Variants in PIGZ observed in about 807,000 individuals in gnomAD.
The protein encoded by PIGZ is phosphatidylinositol glycan anchor biosynthesis class Z (Gwada blood group).
A neutral mutation model predicts 16.4 loss-of-function variants in PIGZ; 16 were observed. The ratio of observed to expected loss-of-function variants is 0.97; its 90% CI spans 0.66 to 1.48. The LOEUF is 1.48. PIGZ is among the 40% of genes most tolerant of loss of function. The pLI, the probability that PIGZ is intolerant of heterozygous loss-of-function variation, is 0.00. For missense variants in PIGZ, 770 were observed against 739.2 expected (o/e 1.04, Z -0.48); for synonymous variants, 409 against 338.4 (o/e 1.21, Z -2.29).
intron 1 of PIGZ, among the ~76,000 whole-genome samples, chr3:196,963,501 T>C (rs975872716): frequency 2.0e-5 from 3 of 152,272 alleles, no homozygotes; most frequent in African/African-American, 7.2e-5. Flanking sequence ...TATCTCATTG[T>C]GGTTTTGATT....
At chr3:196,964,634 C>T (rs1270709762) in intron 1 of PIGZ, among the ~76,000 whole-genome samples, 5 of 152,214 alleles carry the variant, frequency 3.3e-5, no homozygotes, top group African/African-American at 7.2e-5. Context: ...GGATTACAGG[C>T]GTGTGCCACC....
chr3:196,955,634 T>G (rs1215659575), intron 1 of PIGZ, among the ~76,000 whole-genome samples: 12 of 149,016 alleles, frequency 8.1e-5, no homozygotes, highest in Non-Finnish European at 1.5e-4. Context: ...TGGAGTGCAG[T>G]GGCATGATCT....
rs536168745 is a variant in PIGZ at position 196,968,116 on chromosome 3, C to G, written c.-1+571G>C. On this transcript the variant is annotated intron_variant, in intron 1 of 2. Transcript: ENST00000412723. ...GCTGGGTGCTCCCTGGCAGGGTCACCTTTGCTTTTTGCGCGCCCCCATGCC... is the reference window on the plus strand; with the variant it reads ...GCTGGGTGCTCCCTGGCAGGGTCACGTTTGCTTTTTGCGCGCCCCCATGCC... Among the ~76,000 whole-genome samples the G allele has an allele frequency of 2.6e-5, 4 of 152,336 alleles. No homozygotes were observed. In the South Asian group the frequency reaches 8.3e-4, roughly 32 times the overall value.
chr3:196,951,811 G>A lies in PIGZ; in HGVS notation c.211+10C>T, dbSNP rs777125386. The A allele has an allele frequency of 2.5e-5, 40 of 1,613,596 alleles. No homozygotes were observed. Among genetic ancestry groups the A allele is most frequent in the East Asian group, 6.7e-5 (3 of 44,876 alleles). ...TGCAGCTTGTCTCAGCCACACATGC[G>A]GAGTTTTACCTGCCATCACCTCAGG... On this transcript the variant is annotated intron_variant, in intron 2 of 2. Transcript: ENST00000412723.
At chr3:196,964,468 C>T (rs1349944795) in intron 1 of PIGZ, among the ~76,000 whole-genome samples, 2 of 152,150 alleles carry the variant, frequency 1.3e-5, no homozygotes, top group African/African-American at 4.8e-5. Flanking sequence ...AGCGATTCTT[C>T]TGCCTCAGCC....
chr3:196,952,112 G>A, intron 1 of PIGZ, 81 bp from the exon 2 acceptor site: 1 of 1,282,848 alleles, frequency 7.8e-7, no homozygotes, highest in Non-Finnish European at 1.1e-6. Context: ...AAATGGATCT[G>A]TCATTTAATA....
In PIGZ at chr3:196,947,735, C is replaced by T. The variant is rs1168137851; in HGVS notation, c.1162G>A (p.Glu388Lys). ...LALLSAFSHQ[E>K]ARFLIPLLVP... ...AGGAGGGGAATCAGGAACCGAGCCT[C>T]CTGGTGGCTAAAGGCAGATAGCAGG... Residue 388 changes from glutamate to lysine, a missense_variant, in exon 3 of 3, where the codon GAG (glutamate) becomes AAG (lysine). Coordinates refer to ENST00000412723, the MANE Select transcript of PIGZ (RefSeq NM_025163.4). The T allele has an allele frequency of 1.2e-6, 2 of 1,613,006 alleles. No individual in the cohort carries two copies. The highest frequency in any genetic ancestry group is 1.1e-5 in the South Asian group (1 of 90,838).
At chr3:196,951,013 T>TTAC (rs1717259575) in intron 2 of PIGZ, among the ~76,000 whole-genome samples, 1 of 152,248 alleles carries the variant, frequency 6.6e-6, no homozygotes, top group Non-Finnish European at 1.5e-5. Context: ...CCCAGAGTGC[T>TTAC]GGGATTACAG....
At chr3:196,967,021 GCC>G (rs1240103138) in intron 1 of PIGZ, among the ~76,000 whole-genome samples, 12 of 151,966 alleles carry the variant, frequency 7.9e-5, no homozygotes, top group Non-Finnish European at 1.8e-4. Context: ...CATCCCGCGC[GCC>G]TGTGTGGGAG....
At chr3:196,966,895 C>T (rs1717950433) in intron 1 of PIGZ, among the ~76,000 whole-genome samples, 1 of 152,050 alleles carries the variant, frequency 6.6e-6, no homozygotes, top group African/African-American at 2.4e-5. Flanking sequence ...TCCTGGGGGT[C>T]GGTCGTCGGG....
intron 1 of PIGZ, among the ~76,000 whole-genome samples, chr3:196,953,984 C>T (rs1386497694): frequency 7.6e-6 from 1 of 131,128 alleles, no homozygotes; most frequent in Non-Finnish European, 1.6e-5. Context: ...CAGAGCAAGA[C>T]CCTGTCAAAA....
chr3:196,961,558 C>T (rs916101593), intron 1 of PIGZ, among the ~76,000 whole-genome samples: 1 of 152,028 alleles, frequency 6.6e-6, no homozygotes, highest in African/African-American at 2.4e-5. Context: ...AGCCTGGCAA[C>T]ACAGCGAGAC....
chr3:196,950,496 C>T (rs749996930), intron 2 of PIGZ, among the ~76,000 whole-genome samples: 2 of 152,126 alleles, frequency 1.3e-5, no homozygotes, highest in Non-Finnish European at 2.9e-5. Flanking sequence ...ATACAGCCTG[C>T]GGATCATTCG....
At chr3:196,955,956 T>G (rs1039312300) in intron 1 of PIGZ, among the ~76,000 whole-genome samples, 2 of 152,110 alleles carry the variant, frequency 1.3e-5, no homozygotes, top group Non-Finnish European at 2.9e-5. Context: ...CAATTTTTTT[T>G]GTCCTTTCTT....
intron 1 of PIGZ, among the ~76,000 whole-genome samples, chr3:196,956,696 A>G (rs887360770): frequency 6.6e-6 from 1 of 152,162 alleles, no homozygotes; most frequent in African/African-American, 2.4e-5. Flanking sequence ...GTTCTGTTCT[A>G]TCTTCCATGT....
chr3:196,947,301 C>T lies in PIGZ; in HGVS notation c.1596G>A (p.Glu532=), dbSNP rs1716925952. The T allele has an allele frequency of 6.2e-7, 1 of 1,614,064 alleles. No individual in the cohort carries two copies. The highest frequency in any genetic ancestry group is 1.1e-5 in the South Asian group (1 of 91,074). The part of the protein sequence containing the change: ...VTPGTTRRAV[E]KCSFPFKNET... ...CATTCTTGAAGGGGAAGCTGCACTTCTCCACGGCACGCCTGGTGGTGCCAG... is the reference window on the plus strand; with the variant it reads ...CATTCTTGAAGGGGAAGCTGCACTTTTCCACGGCACGCCTGGTGGTGCCAG... Residue 532 remains glutamate, a synonymous_variant, in exon 3 of 3, where the codon GAG becomes GAA. Coordinates refer to ENST00000412723, the MANE Select transcript of PIGZ (RefSeq NM_025163.4).
intron 1 of PIGZ, among the ~76,000 whole-genome samples, chr3:196,953,106 GC>G (rs1468079516): frequency 2.0e-5 from 3 of 152,188 alleles, no homozygotes; most frequent in Non-Finnish European, 4.4e-5. Flanking sequence ...GACTTCACCA[GC>G]CCCCATAATT....
At chr3:196,957,267 G>T (rs954571499) in intron 1 of PIGZ, among the ~76,000 whole-genome samples, 9 of 151,848 alleles carry the variant, frequency 5.9e-5, no homozygotes, top group African/African-American at 2.2e-4. Context: ...GCAGGCTCAT[G>T]ATTACAAATT....
chr3:196,961,953 C>T (rs1717738128), intron 1 of PIGZ, among the ~76,000 whole-genome samples: 1 of 152,180 alleles, frequency 6.6e-6, no homozygotes, highest in Admixed American at 6.5e-5. Flanking sequence ...TTGTCCACCA[C>T]CCCAGACTCT....
Sources: allele counts gnomAD v4.1 joint callset (sites outside exome capture counted in the v4.1 genomes callset), GRCh38; gene constraint gnomAD v4.1.1; transcripts MANE v1.5; gene names NCBI Gene and HGNC (gene_info 2026-07-23, HGNC 2026-07-21).